The following PKNOX2 variants were observed in gnomAD, a reference collection of about 807,000 sequenced individuals.
The protein encoded by PKNOX2 is homeobox protein PKNOX2.
Under a neutral mutation model 53.1 loss-of-function variants are expected in PKNOX2, and 14 were observed. The observed-to-expected ratio is 0.26, with a 90% CI of 0.17 to 0.41. PKNOX2 has a LOEUF of 0.41. Ranked by LOEUF, PKNOX2 falls within the 10% of genes least tolerant of loss-of-function variation. PKNOX2 has a pLI of 1.00. For synonymous variants in PKNOX2, 257 were observed against 242.8 expected (o/e 1.06, Z -0.54); for missense variants, 496 against 602.8 (o/e 0.82, Z 1.85).
At chr11:125,185,368 T>C (rs1956391196) in intron 1 of PKNOX2, among the ~76,000 whole-genome samples, 1 of 152,210 alleles carries the variant, frequency 6.6e-6, no homozygotes. Flanking sequence ...TGGTAAAACA[T>C]GCATAACATA....
At position 125,165,305 on chromosome 11, in the gene PKNOX2, G is replaced by A. The variant is rs370341167; in HGVS notation, c.-201+529G>A. ...GTGCGCCAGGAGCGCCAGGGGACCC[G>A]AGAATAGGAACAGGCACGCCGGCCC... is the stretch of plus-strand genomic sequence containing the variant. On this transcript the variant is annotated intron_variant, in intron 1 of 12. Transcript: ENST00000298282. The surrounding 1 kb of genome is among the most constrained non-coding windows in gnomAD (Gnocchi z 4.5). 9.9e-5 allele frequency among the ~76,000 whole-genome samples: 15 copies of A among 152,104 alleles called. No individual in the cohort carries two copies. Among genetic ancestry groups the A allele is most frequent in the African/African-American group, 2.9e-4 (12 of 41,442 alleles).
intron 1 of PKNOX2, 39 bp from the exon 2 acceptor site, chr11:125,235,006 T>A (rs80140339): frequency 0.018 from 2,746 of 152,782 alleles, 44 homozygotes; most frequent in Non-Finnish European, 0.027. Context: ...TTCTGCAGCA[T>A]CTTACACAGT....
At chr11:125,329,699 G>C (rs555873473) in intron 2 of PKNOX2, among the ~76,000 whole-genome samples, 1 of 152,340 alleles carries the variant, frequency 6.6e-6, no homozygotes, top group South Asian at 2.1e-4. Context: ...CTGAGGAATG[G>C]TTCAGGTAGA....
intron 1 of PKNOX2, among the ~76,000 whole-genome samples, chr11:125,222,744 T>C (rs12798918): frequency 6.6e-6 from 1 of 151,074 alleles, no homozygotes; most frequent in African/African-American, 2.4e-5. Flanking sequence ...TGTGTCTGTG[T>C]CTGTGTGCCT....
At chr11:125,211,875 A>C (rs561547806) in intron 1 of PKNOX2, among the ~76,000 whole-genome samples, 4 of 152,248 alleles carry the variant, frequency 2.6e-5, no homozygotes, top group Admixed American at 2.6e-4. Context: ...CAATGATGTA[A>C]ACAGGCTGCC....
intron 2 of PKNOX2, among the ~76,000 whole-genome samples, chr11:125,269,570 A>G (rs1945629310): frequency 6.6e-6 from 1 of 152,232 alleles, no homozygotes; most frequent in Non-Finnish European, 1.5e-5. Flanking sequence ...CAAGTCTCCT[A>G]GACTGAGGCC....
At chr11:125,317,500 T>G (rs1326308837) in intron 2 of PKNOX2, among the ~76,000 whole-genome samples, 2 of 152,242 alleles carry the variant, frequency 1.3e-5, no homozygotes, top group Admixed American at 6.5e-5. Context: ...AGAATGGATG[T>G]TGTGTTAGCA....
intron 7 of PKNOX2, 157 bp from the exon 8 acceptor site, chr11:125,410,039 G>T: frequency 1.0e-6 from 1 of 973,692 alleles, no homozygotes; most frequent in Non-Finnish European, 1.5e-6. Context: ...CCCTTTCTAG[G>T]AAACCAAGAG....
intron 2 of PKNOX2, among the ~76,000 whole-genome samples, chr11:125,310,755 A>G (rs191554260): frequency 1.3e-5 from 2 of 152,150 alleles, no homozygotes; most frequent in African/African-American, 2.4e-5. Flanking sequence ...CACAGACTTG[A>G]GTTTATTTAA....
intron 8 of PKNOX2, 109 bp downstream of exon 8, chr11:125,410,434 C>T: frequency 7.0e-7 from 1 of 1,437,380 alleles, no homozygotes; most frequent in Non-Finnish European, 9.4e-7. Context: ...GGGAGGGGCT[C>T]CCAGCTCAGT....
chr11:125,207,057 T>A (rs1459457610), intron 1 of PKNOX2, among the ~76,000 whole-genome samples: 1 of 151,254 alleles, frequency 6.6e-6, no homozygotes, highest in African/African-American at 2.4e-5. Context: ...CTGATCTGTA[T>A]GTGGGAGAGT....
intron 2 of PKNOX2, among the ~76,000 whole-genome samples, chr11:125,262,688 G>A (rs1289770587): frequency 6.6e-6 from 1 of 151,936 alleles, no homozygotes; most frequent in Non-Finnish European, 1.5e-5. Flanking sequence ...GGCTTTGTCT[G>A]TGCTGGGAGG....
chr11:125,183,798 T>A (rs1336417993), intron 1 of PKNOX2, among the ~76,000 whole-genome samples: 1 of 152,202 alleles, frequency 6.6e-6, no homozygotes, highest in Non-Finnish European at 1.5e-5. Flanking sequence ...CTTACTGAGC[T>A]GAGGGCATCA....
chr11:125,405,539 T>C (rs144821515), intron 7 of PKNOX2, among the ~76,000 whole-genome samples: 10 of 152,298 alleles, frequency 6.6e-5, no homozygotes, highest in African/African-American at 2.4e-4. Flanking sequence ...TTCTCATCGT[T>C]TCTTAGTAAG....
At chr11:125,305,715 C>T (rs895546235) in intron 2 of PKNOX2, among the ~76,000 whole-genome samples, 2 of 152,056 alleles carry the variant, frequency 1.3e-5, no homozygotes, top group African/African-American at 2.4e-5. Context: ...GCATCGGGAA[C>T]GACTGCAAAG....
At chr11:125,365,162 A>G (rs1034256909) in intron 4 of PKNOX2, among the ~76,000 whole-genome samples, 2 of 152,006 alleles carry the variant, frequency 1.3e-5, no homozygotes, top group Non-Finnish European at 2.9e-5. Flanking sequence ...CCCACCCCCC[A>G]AATCTTGCCT....
At chr11:125,203,872 A>T (rs935094422) in intron 1 of PKNOX2, among the ~76,000 whole-genome samples, 7 of 152,108 alleles carry the variant, frequency 4.6e-5, no homozygotes, top group Admixed American at 3.9e-4. Flanking sequence ...TCTCTGTGTC[A>T]TCTCTGGGGG....
intron 2 of PKNOX2, among the ~76,000 whole-genome samples, chr11:125,283,395 T>C (rs1946701602): frequency 6.6e-6 from 1 of 152,210 alleles, no homozygotes; most frequent in Non-Finnish European, 1.5e-5. Flanking sequence ...ACCTGAGACC[T>C]TCTCTGGAGA....
chr11:125,247,086 C>T (rs777216536), intron 2 of PKNOX2, among the ~76,000 whole-genome samples: 46 of 152,312 alleles, frequency 3.0e-4, no homozygotes, highest in African/African-American at 8.4e-4. Flanking sequence ...AGCCTGAAAA[C>T]GACCCCCAGG....
Sources: allele counts gnomAD v4.1 joint callset (sites outside exome capture counted in the v4.1 genomes callset), GRCh38; gene constraint gnomAD v4.1.1; non-coding constraint Gnocchi (gnomAD v3.1); transcripts MANE v1.5; gene names NCBI Gene and HGNC (gene_info 2026-07-23, HGNC 2026-07-21).